Variants in GBF1 observed in about 807,000 individuals in gnomAD.
GBF1 encodes the protein golgi brefeldin A resistant guanine nucleotide exchange factor 1, also known as Golgi-specific brefeldin A-resistance guanine nucleotide exchange factor 1.
GBF1 carries 114 observed loss-of-function variants against 210.5 expected under a neutral mutation model. The ratio of observed to expected loss-of-function variants is 0.54; its 90% CI spans 0.47 to 0.63. The LOEUF (loss-of-function observed/expected upper bound fraction) is 0.63. GBF1 is among the 30% of genes least tolerant of loss of function. The pLI, the probability that GBF1 is intolerant of heterozygous loss-of-function variation, is 0.00. For synonymous variants in GBF1, 850 were observed against 889.2 expected, an observed-to-expected ratio of 0.96 and a Z score of 0.78; for missense variants, 1,851 against 2,357.7, an observed-to-expected ratio of 0.79 and a Z score of 4.45.
rs777266199 is a variant in GBF1 at position 102,370,230 on chromosome 10, A to G, written c.3396A>G (p.Leu1132=). The change falls in exon 27 of 40, where the codon CTA becomes CTG. Residue 1132 remains leucine (L), a synonymous_variant. Coordinates refer to ENST00000369983, the MANE Select transcript of GBF1 (RefSeq NM_001377137.1). Reference sequence around the variant, plus strand: ...GCAAGTTCCTCCAGCTGGAGTCACTACAGGAGCTCATGAAGGTAAAGGATG... The same window carrying G: ...GCAAGTTCCTCCAGCTGGAGTCACTGCAGGAGCTCATGAAGGTAAAGGATG... ...TESKFLQLES[L]QELMKALVSV... 9.9e-6 allele frequency: 16 copies of G among 1,609,048 alleles called. No individual in the cohort carries two copies. The South Asian group carries it at 1.6e-4, about 17-fold the overall frequency.
intron 3 of GBF1, among the ~76,000 whole-genome samples, chr10:102,287,700 A>G (rs2076079903): frequency 6.6e-6 from 1 of 152,212 alleles, no homozygotes. Context: ...CATGGAAACT[A>G]GATTCTCCAT....
intron 4 of GBF1, among the ~76,000 whole-genome samples, chr10:102,344,478 G>GTTTA (rs975410361): frequency 6.6e-6 from 1 of 151,882 alleles, no homozygotes; most frequent in African/African-American, 2.4e-5. Context: ...TTGTTTGTTT[G>GTTTA]TTTGTTTGTT....
intron 29 of GBF1, 25 bp from the exon 30 acceptor site, chr10:102,375,334 G>A (rs377178451): frequency 2.9e-5 from 41 of 1,401,262 alleles, no homozygotes; most frequent in South Asian, 2.3e-4. Context: ...CCGCTTCCCC[G>A]CTCCCTGCCC....
chr10:102,237,484 G>T, the GBF1 span, among the ~76,000 whole-genome samples: 1 of 152,100 alleles, frequency 6.6e-6, no homozygotes, highest in Admixed American at 6.5e-5. Flanking sequence ...TCCAATGGGG[G>T]ACAAGGGGCA....
chr10:102,360,432 T>G, intron 12 of GBF1, 37 bp downstream of exon 12: 1 of 1,368,126 alleles, frequency 7.3e-7, no homozygotes, highest in Non-Finnish European at 1.0e-6. Flanking sequence ...AGAGCCTCTT[T>G]CAAGGGCCAG....
chr10:102,290,571 T>C (rs1252144749), intron 3 of GBF1, among the ~76,000 whole-genome samples: 1 of 152,204 alleles, frequency 6.6e-6, no homozygotes, highest in Non-Finnish European at 1.5e-5. Context: ...TGATCACAGC[T>C]CACTGCAGCC....
chr10:102,354,347 G>A (rs191461134), intron 8 of GBF1, among the ~76,000 whole-genome samples: 106 of 152,118 alleles, frequency 7.0e-4, no homozygotes, highest in African/African-American at 2.2e-3. Context: ...CTGTTAAATC[G>A]TGCGTTTGCC....
intron 3 of GBF1, among the ~76,000 whole-genome samples, chr10:102,323,239 G>GAAAAAAAA (rs775888621): frequency 7.6e-4 from 50 of 65,802 alleles, no homozygotes; most frequent in Non-Finnish European, 9.4e-4. Context: ...CTCCAAAATT[G>GAAAAAAAA]AAAAAAAAAA....
At chr10:102,337,150 G>A (rs1440587235) in intron 3 of GBF1, among the ~76,000 whole-genome samples, 2 of 151,202 alleles carry the variant, frequency 1.3e-5, no homozygotes, top group Non-Finnish European at 2.9e-5. Flanking sequence ...AGGCCGAGGT[G>A]GGCGGATCAC....
rs911750601 is a variant in GBF1, at chr10:102,351,229, T to G, written c.296-27T>G. ...TTTATCTCTCTCCTCTCCACATCAC[T>G]TAATCTTTCCTTTTTCGCTGGAGCA... On this transcript the variant is annotated intron_variant, in intron 4 of 39. Transcript: ENST00000369983. 3.2e-6 allele frequency: 4 copies of G among 1,251,968 alleles called. No individual in the cohort carries two copies. In the African/African-American group the frequency reaches 5.9e-5, roughly 18 times the overall value. 77.6% of individuals were successfully genotyped at this position (1,251,968 alleles called of 1,614,324 possible). A position where few individuals can be genotyped will look rare whatever the true frequency, so the allele number is the denominator to read the frequency against.
intron 29 of GBF1, 23 bp from the exon 30 acceptor site, chr10:102,375,336 T>C (rs1565181367): frequency 2.8e-6 from 4 of 1,428,924 alleles, no homozygotes; most frequent in African/African-American, 1.4e-5. Flanking sequence ...GCTTCCCCGC[T>C]CCCTGCCCTA....
chr10:102,380,114 A>T, intron 36 of GBF1, 135 bp from the exon 37 acceptor site: 1 of 762,070 alleles, frequency 1.3e-6, no homozygotes, highest in South Asian at 1.5e-5. Flanking sequence ...AGGATTCTGA[A>T]TCTTAAATCA....
At chr10:102,345,730 A>G (rs2058517312) in intron 4 of GBF1, among the ~76,000 whole-genome samples, 1 of 147,692 alleles carries the variant, frequency 6.8e-6, no homozygotes, top group South Asian at 2.1e-4. Flanking sequence ...TTATTCTTTT[A>G]TATTGTAGAA....
At chr10:102,297,405 G>C (rs1357000645) in intron 3 of GBF1, among the ~76,000 whole-genome samples, 1 of 152,166 alleles carries the variant, frequency 6.6e-6, no homozygotes, top group Non-Finnish European at 1.5e-5. Flanking sequence ...TTTGTTTTAT[G>C]TATGTTTTGT....
chr10:102,264,108 A>C (rs1037165378), intron 3 of GBF1, among the ~76,000 whole-genome samples: 1 of 152,228 alleles, frequency 6.6e-6, no homozygotes, highest in Non-Finnish European at 1.5e-5. Context: ...GTGAGTATAC[A>C]AGAAACCACT....
intron 10 of GBF1, 89 bp downstream of exon 10, chr10:102,358,818 G>A (rs1386240126): frequency 6.1e-6 from 5 of 820,498 alleles, no homozygotes; most frequent in South Asian, 3.4e-5. Context: ...GACTTGGCTC[G>A]AAAGAAGCTT....
rs1565062139 is a variant in GBF1 at position 102,287,168 on chromosome 10, CA to C, written c.163+27055del. On this transcript the variant is annotated intron_variant, in intron 3 of 39. Transcript: ENST00000369983. ...GATATCAAATGGTACATTTCCCCAT[CA>C]AACTTGCTTAGTTTGATGTTATGTT... Among the ~76,000 whole-genome samples, 6 of 152,158 alleles carry C rather than the reference CA, an allele frequency of 3.9e-5. No individual in the cohort carries two copies. The South Asian group carries it at 1.0e-3, about 26-fold the overall frequency.
At chr10:102,305,938 A>G (rs1386725854) in intron 3 of GBF1, among the ~76,000 whole-genome samples, 1 of 152,230 alleles carries the variant, frequency 6.6e-6, no homozygotes, top group African/African-American at 2.4e-5. Context: ...TGATGGAAAT[A>G]GGATGATAGG....
At chr10:102,372,105 G>A (rs918356316) in intron 29 of GBF1, among the ~76,000 whole-genome samples, 2 of 151,476 alleles carry the variant, frequency 1.3e-5, no homozygotes, top group Non-Finnish European at 2.9e-5. Context: ...TTGCTACTCG[G>A]GAGGCTGAGG....
Sources: allele counts gnomAD v4.1 joint callset (sites outside exome capture counted in the v4.1 genomes callset), GRCh38; gene constraint gnomAD v4.1.1; transcripts MANE v1.5; gene names NCBI Gene and HGNC (gene_info 2026-07-23, HGNC 2026-07-21).